AUTS2: variants seen among roughly 807,000 people sequenced by gnomAD.
The protein encoded by AUTS2 is activator of transcription and developmental regulator AUTS2, also known as autism susceptibility gene 2 protein.
AUTS2 carries 17 observed loss-of-function variants against 112.4 expected under a neutral mutation model. That is an observed-to-expected ratio of 0.15 (90% CI 0.10 to 0.23). The LOEUF (loss-of-function observed/expected upper bound fraction) is 0.23. AUTS2 is among the 10% of genes least tolerant of loss of function. The pLI, the probability that AUTS2 is intolerant of heterozygous loss-of-function variation, is 1.00. For synonymous variants in AUTS2, 751 were observed against 702.7 expected (o/e 1.07, Z -1.09); for missense variants, 1,510 against 1,701.6 (o/e 0.89, Z 1.98).
At chr7:70,751,892 GT>G (rs10556263) in intron 6 of AUTS2, among the ~76,000 whole-genome samples, 4,474 of 142,542 alleles carry the variant, frequency 0.031, 113 homozygotes, top group East Asian at 0.066. Context: ...CCTAATTTTT[GT>G]TTTTTTTTTT....
At chr7:70,623,968 A>G (rs1051203959) in intron 5 of AUTS2, among the ~76,000 whole-genome samples, 2 of 152,192 alleles carry the variant, frequency 1.3e-5, no homozygotes, top group African/African-American at 4.8e-5. Context: ...GCCAAGGGAG[A>G]TACTCCCTCT....
At chr7:69,747,784 GGT>G (rs10695531) in intron 1 of AUTS2, among the ~76,000 whole-genome samples, 5,941 of 144,478 alleles carry the variant, frequency 0.041, 148 homozygotes, top group Middle Eastern at 0.083. Flanking sequence ...GAAGGAGAGG[GGT>G]GTGTGTGTGT....
chr7:70,703,771 C>T (rs1809590448), intron 6 of AUTS2, among the ~76,000 whole-genome samples: 1 of 152,212 alleles, frequency 6.6e-6, no homozygotes, highest in African/African-American at 2.4e-5. Context: ...TTAAATTCCA[C>T]ATAAGGGAGA....
At chr7:69,740,359 A>G (rs1436978829) in intron 1 of AUTS2, among the ~76,000 whole-genome samples, 2 of 152,276 alleles carry the variant, frequency 1.3e-5, no homozygotes, top group East Asian at 3.9e-4. Flanking sequence ...CAGAGAAGGT[A>G]GGTGGGGGGA....
intron 6 of AUTS2, among the ~76,000 whole-genome samples, chr7:70,720,218 C>T (rs571991440): frequency 2.2e-4 from 33 of 151,760 alleles, no homozygotes; most frequent in African/African-American, 7.0e-4. Flanking sequence ...TTTTTTAATG[C>T]CACCAGGGTG....
rs538613349 is a variant in AUTS2 at position 70,521,765 on chromosome 7, G to A, written c.690+85984G>A. Among the ~76,000 whole-genome samples, 51 of 152,230 alleles carry A rather than the reference G, an allele frequency of 3.4e-4. No individual in the cohort carries two copies. The South Asian group carries it at 0.01, about 31-fold the overall frequency. The stretch of plus-strand genomic sequence containing the variant: ...GGGAAGGCCTTAGACCAATAGCATG[G>A]CGTTTGTTATTTTAGTTTACCATTC... On this transcript the variant is annotated intron_variant, in intron 5 of 18. Coordinates refer to ENST00000342771, the MANE Select transcript of AUTS2 (RefSeq NM_015570.4).
At chr7:70,583,734 C>T (rs1056214406) in intron 5 of AUTS2, among the ~76,000 whole-genome samples, 2 of 152,210 alleles carry the variant, frequency 1.3e-5, no homozygotes, top group African/African-American at 2.4e-5. Context: ...AGGCCTCTGC[C>T]GAGCAACTCT....
At chr7:69,795,708 G>T (rs1209242626) in intron 1 of AUTS2, among the ~76,000 whole-genome samples, 1 of 152,142 alleles carries the variant, frequency 6.6e-6, no homozygotes, top group African/African-American at 2.4e-5. Context: ...CTTAAGAAGG[G>T]GAAATAGGAA....
chr7:70,395,185 T>C (rs866678608), intron 4 of AUTS2, among the ~76,000 whole-genome samples: 1 of 150,888 alleles, frequency 6.6e-6, no homozygotes. Context: ...GACAAAGGAG[T>C]TGTGATAATC....
intron 5 of AUTS2, among the ~76,000 whole-genome samples, chr7:70,657,666 C>G (rs959373221): frequency 6.6e-6 from 1 of 152,226 alleles, no homozygotes; most frequent in South Asian, 2.1e-4. Flanking sequence ...CCCCTAGCGT[C>G]ACTCCTTCAC....
At chr7:70,130,597 G>C (rs1806221083) in intron 3 of AUTS2, among the ~76,000 whole-genome samples, 1 of 152,012 alleles carries the variant, frequency 6.6e-6, no homozygotes, top group Non-Finnish European at 1.5e-5. Flanking sequence ...TTGAGACAAA[G>C]AGAGTGTTTC....
At chr7:70,712,777 G>A (rs926162977) in intron 6 of AUTS2, among the ~76,000 whole-genome samples, 11 of 152,126 alleles carry the variant, frequency 7.2e-5, no homozygotes, top group East Asian at 5.8e-4. Flanking sequence ...GTCTAGGTTC[G>A]TAGTTGGGCA....
intron 5 of AUTS2, among the ~76,000 whole-genome samples, chr7:70,535,352 C>T (rs1475128368): frequency 6.6e-6 from 1 of 151,986 alleles, no homozygotes; most frequent in African/African-American, 2.4e-5. Context: ...CAATTCTGCA[C>T]ATGAAAACTG....
intron 5 of AUTS2, among the ~76,000 whole-genome samples, chr7:70,655,582 CTG>C (rs1461584941): frequency 6.6e-6 from 1 of 152,190 alleles, no homozygotes; most frequent in East Asian, 1.9e-4. Context: ...AAGTGCTGTT[CTG>C]TTTGAGCAGG....
chr7:70,651,182 A>G (rs1391909216), intron 5 of AUTS2, among the ~76,000 whole-genome samples: 2 of 152,186 alleles, frequency 1.3e-5, no homozygotes, highest in African/African-American at 4.8e-5. Context: ...TCTTCTCATT[A>G]TTTCCGCTAT....
chr7:69,925,491 A>G (rs767298090), intron 2 of AUTS2, among the ~76,000 whole-genome samples: 15 of 152,134 alleles, frequency 9.9e-5, no homozygotes, highest in Non-Finnish European at 1.9e-4. Context: ...TGTGACTTCT[A>G]ATTGAAACAC....
intron 5 of AUTS2, among the ~76,000 whole-genome samples, chr7:70,569,464 A>G (rs922188433): frequency 6.6e-6 from 1 of 152,214 alleles, no homozygotes; most frequent in African/African-American, 2.4e-5. Flanking sequence ...AAGACTAAAC[A>G]TTGCATTTGC....
intron 4 of AUTS2, among the ~76,000 whole-genome samples, chr7:70,424,783 C>G (rs1218099038): frequency 6.6e-6 from 1 of 152,086 alleles, no homozygotes; most frequent in South Asian, 2.1e-4. Context: ...ACAGGGGTCT[C>G]GCTATGTTGC....
intron 4 of AUTS2, among the ~76,000 whole-genome samples, chr7:70,142,083 A>C (rs1265650495): frequency 6.6e-6 from 1 of 152,234 alleles, no homozygotes; most frequent in Non-Finnish European, 1.5e-5. Context: ...ATGAGGGAAT[A>C]GGCTGGGTAT....
Sources: allele counts gnomAD v4.1 joint callset (sites outside exome capture counted in the v4.1 genomes callset), GRCh38; gene constraint gnomAD v4.1.1; transcripts MANE v1.5; gene names NCBI Gene and HGNC (gene_info 2026-07-23, HGNC 2026-07-21).